APIP: variants seen among roughly 807,000 people sequenced by gnomAD.
APIP encodes methylthioribulose-1-phosphate dehydratase.
A neutral mutation model predicts 32.0 loss-of-function variants in APIP; 32 were observed. The ratio of observed to expected loss-of-function variants is 1.00; its 90% CI spans 0.76 to 1.34. APIP has a LOEUF of 1.34. Among genes scored for constraint, APIP ranks in the 40% most tolerant of loss-of-function variants. The probability of loss-of-function intolerance (pLI) is 0.00; values close to 1 mark genes in which losing one functional copy is unlikely to be tolerated. For synonymous variants in APIP, 92 were observed against 94.8 expected (o/e 0.97, Z 0.17); for missense variants, 247 against 298.6 (o/e 0.83, Z 1.27).
At chr11:34,885,208 A>G (rs912397968) in intron 5 of APIP, among the ~76,000 whole-genome samples, 14 of 148,200 alleles carry the variant, frequency 9.4e-5, no homozygotes, top group African/African-American at 3.4e-4. Flanking sequence ...ATAACTATAT[A>G]TGTATATTAT....
rs536598706 is a variant in APIP, at chr11:34,915,386, T to A, written c.57+842A>T. 2.6e-5 allele frequency among the ~76,000 whole-genome samples: 4 copies of A among 152,324 alleles called. No homozygotes were observed. The South Asian group carries it at 8.3e-4, about 32-fold the overall frequency. ...TTGACAAATGTTTAGCAATGAAATC[T>A]CCCGCGAGTTACTACTTTTTAATTA... is the stretch of plus-strand genomic sequence containing the variant. On this transcript the variant is annotated intron_variant, in intron 1 of 6. Coordinates refer to ENST00000395787, the MANE Select transcript of APIP (RefSeq NM_015957.4).
intron 1 of APIP, among the ~76,000 whole-genome samples, chr11:34,913,179 C>T (rs1372447037): frequency 1.3e-5 from 2 of 152,182 alleles, no homozygotes. Context: ...TAACTCTAGC[C>T]AGCAATCCCC....
At chr11:34,914,222 C>T (rs1052288377) in intron 1 of APIP, among the ~76,000 whole-genome samples, 9 of 152,122 alleles carry the variant, frequency 5.9e-5, no homozygotes, top group Non-Finnish European at 1.0e-4. Flanking sequence ...GTTGTCATAC[C>T]ATCTTTGTCT....
rs779100145 is a variant in APIP at position 34,916,336 on chromosome 11, C to A, written c.-52G>T. On this transcript the variant is annotated 5_prime_UTR_variant, in exon 1 of 7. Coordinates refer to ENST00000395787, the MANE Select transcript of APIP (RefSeq NM_015957.4). Reference sequence around the variant, plus strand: ...TCCAATCTCCGCACGGCTTTGCGCGCGGCGCTTAGCCTGGGATACGGCAGC... The same window carrying A: ...TCCAATCTCCGCACGGCTTTGCGCGAGGCGCTTAGCCTGGGATACGGCAGC... 12 of 1,601,904 alleles carry A rather than the reference C, an allele frequency of 7.5e-6. No individual in the cohort carries two copies. In the East Asian group the frequency reaches 1.1e-4, roughly 15 times the overall value.
At chr11:34,892,540 C>T (rs906296614) in intron 2 of APIP, among the ~76,000 whole-genome samples, 2 of 151,972 alleles carry the variant, frequency 1.3e-5, no homozygotes, top group African/African-American at 4.8e-5. Flanking sequence ...CTCTCTGACA[C>T]CTGTCAATAT....
At chr11:34,888,472 T>G in intron 4 of APIP, 44 bp from the exon 5 acceptor site, 1 of 1,582,198 alleles carries the variant, frequency 6.3e-7, no homozygotes, top group Non-Finnish European at 8.5e-7. Context: ...GAAGACTGAA[T>G]TATAGCTTTT....
chr11:34,906,776 G>A (rs749754128), intron 1 of APIP, among the ~76,000 whole-genome samples: 5 of 152,166 alleles, frequency 3.3e-5, no homozygotes, highest in South Asian at 2.1e-4. Flanking sequence ...ACAAGAACAC[G>A]CAGGCTTCAG....
intron 1 of APIP, among the ~76,000 whole-genome samples, chr11:34,911,829 C>T (rs748373811): frequency 6.6e-5 from 10 of 152,122 alleles, no homozygotes; most frequent in Non-Finnish European, 1.2e-4. Flanking sequence ...ACCTTCCCCT[C>T]CCTCTATACT....
At chr11:34,886,717 A>C (rs868522289) in intron 5 of APIP, among the ~76,000 whole-genome samples, 4 of 152,006 alleles carry the variant, frequency 2.6e-5, no homozygotes, top group African/African-American at 9.7e-5. Flanking sequence ...AACCTTTTCT[A>C]TGTTTAGATA....
chr11:34,894,997 G>A lies in APIP; in HGVS notation c.158+13C>T. ...TGGAGAGTTCCCAGTAATAAAGGCT[G>A]CCAGAAACTTACCCATGCTTCAAGC... On this transcript the variant is annotated intron_variant, in intron 2 of 6. Transcript: ENST00000395787. 1.2e-6 allele frequency: 2 copies of A among 1,606,686 alleles called. No individual in the cohort carries two copies. The highest frequency in any genetic ancestry group is 1.7e-6 in the Non-Finnish European group (2 of 1,173,176).
intron 1 of APIP, among the ~76,000 whole-genome samples, chr11:34,912,534 C>T (rs1317560214): frequency 6.6e-6 from 1 of 152,096 alleles, no homozygotes; most frequent in Non-Finnish European, 1.5e-5. Flanking sequence ...GAGGGTGCTG[C>T]CAAAGGAGGA....
intron 4 of APIP, 106 bp from the exon 5 acceptor site, chr11:34,888,534 T>C: frequency 1.4e-6 from 2 of 1,463,598 alleles, no homozygotes; most frequent in Non-Finnish European, 9.1e-7. Flanking sequence ...GGTTATGGGC[T>C]TATTTTTCCT....
intron 1 of APIP, among the ~76,000 whole-genome samples, chr11:34,899,050 C>T (rs1175569778): frequency 6.6e-6 from 1 of 151,820 alleles, no homozygotes; most frequent in East Asian, 1.9e-4. Context: ...CCACCTGCCT[C>T]GGCCTCCCAA....
At chr11:34,914,395 A>G (rs1853617019) in intron 1 of APIP, among the ~76,000 whole-genome samples, 1 of 152,220 alleles carries the variant, frequency 6.6e-6, no homozygotes, top group Non-Finnish European at 1.5e-5. Flanking sequence ...CTTAAGGCCA[A>G]AGAGACTGTC....
In APIP at chr11:34,883,507, G is replaced by A; in HGVS notation, c.462-3C>T. 2 of 1,611,278 alleles carry A rather than the reference G, an allele frequency of 1.2e-6. No homozygotes were observed. The highest frequency in any genetic ancestry group is 1.7e-6 in the Non-Finnish European group (2 of 1,178,752). On this transcript the variant is annotated splice_region_variant and splice_polypyrimidine_tract_variant and intron_variant, in intron 5 of 6. Coordinates refer to ENST00000395787, the MANE Select transcript of APIP (RefSeq NM_015957.4). ...GTACCACTAACATATCATCATATCT[G>A]TAAGACAAAACAAGCCATTTTTTTC...
At chr11:34,897,821 GT>G (rs1243756031) in intron 1 of APIP, among the ~76,000 whole-genome samples, 9 of 152,040 alleles carry the variant, frequency 5.9e-5, no homozygotes, top group Non-Finnish European at 8.8e-5. Flanking sequence ...GGGAAGGCTA[GT>G]TTTTTTCGTG....
chr11:34,885,879 T>C (rs1039021852), intron 5 of APIP, among the ~76,000 whole-genome samples: 2 of 152,168 alleles, frequency 1.3e-5, no homozygotes, highest in Non-Finnish European at 2.9e-5. Context: ...ATAGCTGTCA[T>C]AGGGTCACAG....
chr11:34,889,634 C>G (rs895691018), intron 3 of APIP, among the ~76,000 whole-genome samples: 10 of 152,032 alleles, frequency 6.6e-5, no homozygotes, highest in African/African-American at 2.4e-4. Flanking sequence ...CACTTTCCTC[C>G]CACCCTCCAC....
At chr11:34,889,024 C>T (rs1853139809) in intron 3 of APIP, among the ~76,000 whole-genome samples, 155 bp from the exon 4 acceptor site, 1 of 151,714 alleles carries the variant, frequency 6.6e-6, no homozygotes, top group African/African-American at 2.4e-5. Flanking sequence ...ACATAGAGTG[C>T]TAATATATGC....
Sources: allele counts gnomAD v4.1 joint callset (sites outside exome capture counted in the v4.1 genomes callset), GRCh38; gene constraint gnomAD v4.1.1; transcripts MANE v1.5; gene names NCBI Gene and HGNC (gene_info 2026-07-23, HGNC 2026-07-21).